The following TIAM1 variants were observed in gnomAD, a reference collection of about 807,000 sequenced individuals.
TIAM1 encodes the protein rho guanine nucleotide exchange factor TIAM1.
A neutral mutation model predicts 163.5 loss-of-function variants in TIAM1; 65 were observed. That is an observed-to-expected ratio of 0.40 (90% CI 0.33 to 0.49). The LOEUF (loss-of-function observed/expected upper bound fraction) is 0.49, where lower values mean the gene tolerates loss of function less well. TIAM1 is among the 20% of genes least tolerant of loss of function. The probability of loss-of-function intolerance (pLI) is 0.77; values close to 1 mark genes in which losing one functional copy is unlikely to be tolerated. For missense variants in TIAM1, 1,789 were observed against 2,044.7 expected (o/e 0.87, Z 2.41); for synonymous variants, 833 against 810.1 (o/e 1.03, Z -0.48).
Position 31,175,585 on chromosome 21 carries a change from CTCAATAAA to C in TIAM1, c.2887+6828_2887+6835del, listed in dbSNP as rs2084721168. Among the ~76,000 whole-genome samples, 4 of 152,226 alleles carry C rather than the reference CTCAATAAA, an allele frequency of 2.6e-5. No individual in the cohort carries two copies. The South Asian group carries it at 8.3e-4, about 32-fold the overall frequency. Reference sequence around the variant, plus strand: ...AAATGGGGATTTGTGTTGGAATTCTCTCAATAAATGCTTTATAAAACTTTTTTTTTTGA... The same window carrying C: ...AAATGGGGATTTGTGTTGGAATTCTCTGCTTTATAAAACTTTTTTTTTTGA... On this transcript the variant is annotated intron_variant, in intron 15 of 27. Coordinates refer to ENST00000541036, the MANE Select transcript of TIAM1 (RefSeq NM_001353694.2).
chr21:31,326,952 G>A (rs572568353), intron 2 of TIAM1, among the ~76,000 whole-genome samples: 27 of 152,212 alleles, frequency 1.8e-4, no homozygotes, highest in Non-Finnish European at 5.9e-5. Flanking sequence ...AGGGTCATAT[G>A]CCAAAACGTT....
chr21:31,327,646 A>AG (rs2075536527), intron 2 of TIAM1, among the ~76,000 whole-genome samples: 1 of 148,112 alleles, frequency 6.8e-6, no homozygotes, highest in Non-Finnish European at 1.5e-5. Flanking sequence ...GCCATCTCAA[A>AG]AAAAAAAAAA....
chr21:31,330,732 G>A (rs1393334236), intron 2 of TIAM1, among the ~76,000 whole-genome samples: 1 of 152,188 alleles, frequency 6.6e-6, no homozygotes, highest in African/African-American at 2.4e-5. Flanking sequence ...GCAGTTTGGT[G>A]TGGGGAGACA....
intron 8 of TIAM1, among the ~76,000 whole-genome samples, chr21:31,223,175 T>A (rs1236353844): frequency 6.6e-6 from 1 of 152,114 alleles, no homozygotes; most frequent in Non-Finnish European, 1.5e-5. Context: ...ATGGTACCCT[T>A]CATATTTCCT....
At chr21:31,277,312 G>A (rs954458040) in intron 2 of TIAM1, among the ~76,000 whole-genome samples, 2 of 152,206 alleles carry the variant, frequency 1.3e-5, no homozygotes, top group Admixed American at 6.5e-5. Context: ...AGTTTACAAT[G>A]CCATGGCAAT....
At chr21:31,556,279 C>T (rs1012113928) in intron 1 of TIAM1, among the ~76,000 whole-genome samples, 6 of 152,188 alleles carry the variant, frequency 3.9e-5, no homozygotes, top group Admixed American at 1.3e-4. Context: ...CTACTGGCCG[C>T]GTTCCACATC....
chr21:31,146,484 G>T (rs564474515), intron 20 of TIAM1, among the ~76,000 whole-genome samples: 1 of 151,552 alleles, frequency 6.6e-6, no homozygotes, highest in Admixed American at 6.6e-5. Flanking sequence ...GTCGAGGCGG[G>T]TGGATCACCT....
At chr21:31,524,850 A>C (rs1029244923) in intron 1 of TIAM1, among the ~76,000 whole-genome samples, 3 of 152,180 alleles carry the variant, frequency 2.0e-5, no homozygotes, top group Admixed American at 6.5e-5. Context: ...AGGGAGGCAG[A>C]CACATCCTTG....
intron 1 of TIAM1, among the ~76,000 whole-genome samples, chr21:31,477,067 T>G (rs971270662): frequency 2.0e-5 from 3 of 152,130 alleles, no homozygotes; most frequent in African/African-American, 7.3e-5. Flanking sequence ...CCTTTCTTAA[T>G]GTAGACATGT....
intron 1 of TIAM1, among the ~76,000 whole-genome samples, chr21:31,496,522 G>GT (rs2046651466): frequency 6.7e-6 from 1 of 149,004 alleles, no homozygotes; most frequent in Admixed American, 6.7e-5. Context: ...TTGAGCTTAT[G>GT]TTTTAAACAG....
intron 1 of TIAM1, among the ~76,000 whole-genome samples, chr21:31,538,379 T>C (rs2048208124): frequency 6.6e-6 from 1 of 152,192 alleles, no homozygotes; most frequent in Non-Finnish European, 1.5e-5. Context: ...CCTGTCTCTA[T>C]AAAAAATTTT....
At chr21:31,400,812 C>T (rs2077151952) in intron 2 of TIAM1, among the ~76,000 whole-genome samples, 3 of 152,092 alleles carry the variant, frequency 2.0e-5, no homozygotes, top group South Asian at 2.1e-4. Flanking sequence ...GAATCCCGGC[C>T]GGGCACAGTG....
At chr21:31,394,687 TTCTCTC>T (rs539349529) in intron 2 of TIAM1, among the ~76,000 whole-genome samples, 4 of 103,948 alleles carry the variant, frequency 3.8e-5, no homozygotes, top group Non-Finnish European at 4.0e-5. Context: ...AATCTACTCA[TTCTCTC>T]TCTCTCTCTC....
chr21:31,252,263 G>A (rs1261103129), intron 4 of TIAM1, 74 bp from the exon 5 acceptor site: 11 of 1,491,854 alleles, frequency 7.4e-6, no homozygotes, highest in African/African-American at 1.4e-5. Flanking sequence ...GTGGAGAAGA[G>A]CCCTGGGTCC....
intron 12 of TIAM1, among the ~76,000 whole-genome samples, chr21:31,202,218 T>C (rs911620432): frequency 6.6e-6 from 1 of 152,080 alleles, no homozygotes; most frequent in Non-Finnish European, 1.5e-5. Context: ...TAGCACTGTT[T>C]TCTGTAACAA....
intron 12 of TIAM1, among the ~76,000 whole-genome samples, chr21:31,201,768 G>T (rs2086214201): frequency 6.6e-6 from 1 of 152,242 alleles, no homozygotes; most frequent in African/African-American, 2.4e-5. Context: ...AGCAGTCAGA[G>T]CCCCCAGAGG....
At chr21:31,368,624 C>T (rs2076538994) in intron 2 of TIAM1, among the ~76,000 whole-genome samples, 1 of 152,136 alleles carries the variant, frequency 6.6e-6, no homozygotes, top group Non-Finnish European at 1.5e-5. Context: ...GAACAGATCC[C>T]AAAAGGCAGG....
At chr21:31,548,491 T>C (rs1432155735) in intron 1 of TIAM1, among the ~76,000 whole-genome samples, 1 of 139,334 alleles carries the variant, frequency 7.2e-6, no homozygotes, top group Non-Finnish European at 1.6e-5. Context: ...TTTGTTGTTG[T>C]TTTTTTTTTT....
At chr21:31,286,602 AC>A (rs1170725707) in intron 2 of TIAM1, among the ~76,000 whole-genome samples, 1 of 152,118 alleles carries the variant, frequency 6.6e-6, no homozygotes, top group Non-Finnish European at 1.5e-5. Flanking sequence ...AGTCCCAGCT[AC>A]TGGGATGGCT....
Sources: allele counts gnomAD v4.1 joint callset (sites outside exome capture counted in the v4.1 genomes callset), GRCh38; gene constraint gnomAD v4.1.1; transcripts MANE v1.5; gene names NCBI Gene and HGNC (gene_info 2026-07-23, HGNC 2026-07-21).